Variants in BANK1 observed in about 807,000 individuals in gnomAD.
The protein encoded by BANK1 is B cell scaffold protein with ankyrin repeats 1.
Under a neutral mutation model 94.5 loss-of-function variants are expected in BANK1, and 95 were observed. That is an observed-to-expected ratio of 1.00 (90% confidence interval 0.85 to 1.19). The LOEUF is 1.19. Ranked by LOEUF, BANK1 falls within the 50% of genes most tolerant of loss-of-function variation. The pLI is 0.00. For synonymous variants in BANK1, 334 were observed against 308.4 expected, an observed-to-expected ratio of 1.08 and a Z score of -0.87; for missense variants, 987 against 932.2, an observed-to-expected ratio of 1.06 and a Z score of -0.77.
At chr4:102,020,078 A>C (rs1463214064) in intron 7 of BANK1, among the ~76,000 whole-genome samples, 1 of 152,118 alleles carries the variant, frequency 6.6e-6, no homozygotes, top group African/African-American at 2.4e-5. Context: ...ATTAATTCAC[A>C]GTGATTTTGA....
intron 7 of BANK1, among the ~76,000 whole-genome samples, chr4:101,961,122 A>C (rs1040363444): frequency 6.6e-6 from 1 of 152,228 alleles, no homozygotes; most frequent in Non-Finnish European, 1.5e-5. Flanking sequence ...ATTATTGGCC[A>C]GTAAATGCAA....
chr4:101,935,352 T>G (rs1364149163), intron 7 of BANK1, among the ~76,000 whole-genome samples: 1 of 151,480 alleles, frequency 6.6e-6, no homozygotes, highest in African/African-American at 2.4e-5. Context: ...GAAATGTAAA[T>G]CTTTCTGTGG....
rs191986210 is a variant in BANK1 at position 101,823,083 on chromosome 4, G to C, written c.71-6725G>C. ...GTGCAGAAGCTGTTTAGTTTAATTA[G>C]ACCCTATTTGTCATTTTTTGTATTT... is the stretch of plus-strand genomic sequence containing the variant. On this transcript the variant is annotated intron_variant, in intron 1 of 16. Coordinates refer to ENST00000322953, the MANE Select transcript of BANK1 (RefSeq NM_017935.5). Among the ~76,000 whole-genome samples the C allele has an allele frequency of 3.3e-3, 497 of 148,534 alleles. 3 individuals are homozygous for C. The highest frequency in any genetic ancestry group is 0.012 in the African/African-American group (472 of 39,812).
At chr4:102,014,138 G>A (rs1032149522) in intron 7 of BANK1, among the ~76,000 whole-genome samples, 2 of 151,884 alleles carry the variant, frequency 1.3e-5, no homozygotes, top group Non-Finnish European at 2.9e-5. Flanking sequence ...TGTTTAAATG[G>A]GATATTTAAC....
intron 2 of BANK1, among the ~76,000 whole-genome samples, chr4:101,837,904 C>T (rs923601335): frequency 3.5e-5 from 5 of 142,708 alleles, no homozygotes; most frequent in African/African-American, 1.3e-4. Context: ...CTCTCCCTCT[C>T]CCCCTTCTCT....
intron 7 of BANK1, among the ~76,000 whole-genome samples, chr4:101,921,335 G>A (rs1170779676): frequency 6.6e-6 from 1 of 151,876 alleles, no homozygotes; most frequent in Admixed American, 6.6e-5. Flanking sequence ...TATGAACAAC[G>A]ATTTGCTTAG....
At chr4:101,810,963 C>G (rs553373148) in intron 1 of BANK1, among the ~76,000 whole-genome samples, 1 of 152,242 alleles carries the variant, frequency 6.6e-6, no homozygotes. Context: ...AGGTCTTAAA[C>G]CAGGCATGCG....
At chr4:101,934,769 G>A (rs370585143) in intron 7 of BANK1, among the ~76,000 whole-genome samples, 15 of 151,508 alleles carry the variant, frequency 9.9e-5, no homozygotes, top group East Asian at 9.8e-4. Context: ...TTATGACTGC[G>A]CTGATATTCT....
intron 6 of BANK1, among the ~76,000 whole-genome samples, chr4:101,912,174 G>A (rs1392240268): frequency 1.3e-5 from 2 of 152,128 alleles, no homozygotes; most frequent in African/African-American, 2.4e-5. Flanking sequence ...ATCCTCAAAC[G>A]TCTGAAATTC....
intron 1 of BANK1, among the ~76,000 whole-genome samples, chr4:101,821,707 A>G (rs1231573749): frequency 6.6e-6 from 1 of 152,142 alleles, no homozygotes; most frequent in African/African-American, 2.4e-5. Context: ...ATAGTGAAGC[A>G]TTCAAACTAA....
chr4:102,068,997 T>A (rs1728676993), intron 13 of BANK1, among the ~76,000 whole-genome samples: 1 of 152,170 alleles, frequency 6.6e-6, no homozygotes, highest in Admixed American at 6.5e-5. Context: ...ATTCTCACTT[T>A]TAGAACTTTG....
intron 6 of BANK1, among the ~76,000 whole-genome samples, chr4:101,917,085 C>T (rs773320550): frequency 6.6e-6 from 1 of 151,926 alleles, no homozygotes; most frequent in Non-Finnish European, 1.5e-5. Flanking sequence ...AGCAAATTGA[C>T]AGTTTTCAAA....
chr4:101,861,725 GT>G lies in BANK1; in HGVS notation c.625-799del, dbSNP rs1226567349. Among the ~76,000 whole-genome samples, 14 of 151,858 alleles carry G rather than the reference GT, an allele frequency of 9.2e-5. No individual in the cohort carries two copies. The South Asian group carries it at 2.9e-3, about 32-fold the overall frequency. On this transcript the variant is annotated intron_variant, in intron 3 of 16. Transcript: ENST00000322953. The stretch of plus-strand genomic sequence containing the variant: ...TATGTCTTTGTGTTTATCTGTTTCA[GT>G]TAGGTTTAGAGGAAATATATTTATT...
intron 7 of BANK1, among the ~76,000 whole-genome samples, chr4:102,015,895 C>T (rs1726682824): frequency 6.6e-6 from 1 of 152,184 alleles, no homozygotes; most frequent in South Asian, 2.1e-4. Context: ...GAACATGCTA[C>T]TTTCCACTTC....
chr4:101,812,192 A>G (rs961264526), intron 1 of BANK1, among the ~76,000 whole-genome samples: 2 of 151,944 alleles, frequency 1.3e-5, no homozygotes, highest in Non-Finnish European at 2.9e-5. Context: ...ATGGGTAAAG[A>G]AGATTATTCT....
At chr4:101,997,572 G>A (rs779920276) in intron 7 of BANK1, among the ~76,000 whole-genome samples, 1 of 151,894 alleles carries the variant, frequency 6.6e-6, no homozygotes, top group Admixed American at 6.6e-5. Flanking sequence ...TTATTGTTAG[G>A]CTATTAATTA....
At chr4:101,895,533 T>A in intron 6 of BANK1, 123 bp downstream of exon 6, 1 of 583,406 alleles carries the variant, frequency 1.7e-6, no homozygotes. Context: ...TTTAGACAAC[T>A]CCTGACTCCT....
intron 7 of BANK1, among the ~76,000 whole-genome samples, chr4:101,949,232 T>A (rs1334895725): frequency 6.6e-6 from 1 of 152,168 alleles, no homozygotes; most frequent in African/African-American, 2.4e-5. Flanking sequence ...ATTCTCATCC[T>A]AACCTGGACA....
In BANK1 at chr4:101,948,662, G is replaced by T. The variant is rs551397944; in HGVS notation, c.1206+30473G>T. ...ATATTGCCTTGTCACAGTAGAGGTA[G>T]ACTAGAGTCTTAGATCCAAATATTT... is the stretch of plus-strand genomic sequence containing the variant. On this transcript the variant is annotated intron_variant, in intron 7 of 16. Transcript: ENST00000322953. Among the ~76,000 whole-genome samples, 5 of 152,216 alleles carry T rather than the reference G, an allele frequency of 3.3e-5. No individual in the cohort carries two copies. The East Asian group carries it at 9.7e-4, about 30-fold the overall frequency.
Sources: gnomAD v4.1 joint callset for allele counts (sites outside exome capture counted in the v4.1 genomes callset) on GRCh38, gnomAD v4.1.1 for gene constraint, MANE v1.5 for transcripts, NCBI Gene and HGNC (gene_info 2026-07-23, HGNC 2026-07-21) for gene names.